CAMK2D: variants seen among roughly 807,000 people sequenced by gnomAD.
The protein encoded by CAMK2D is calcium/calmodulin-dependent protein kinase type II subunit delta.
CAMK2D carries 37 observed loss-of-function variants against 84.0 expected under a neutral mutation model. That is an observed-to-expected ratio of 0.44 (90% CI 0.34 to 0.58). CAMK2D has a LOEUF of 0.58. Ranked by LOEUF, CAMK2D falls within the 20% of genes least tolerant of loss-of-function variation. The probability of loss-of-function intolerance (pLI) is 0.02; values close to 1 mark genes in which losing one functional copy is unlikely to be tolerated. For synonymous variants in CAMK2D, 202 were observed against 212.5 expected, an observed-to-expected ratio of 0.95 and a Z score of 0.43; for missense variants, 448 against 652.5, an observed-to-expected ratio of 0.69 and a Z score of 3.41.
chr4:113,680,966 A>C (rs1053182730), intron 2 of CAMK2D, among the ~76,000 whole-genome samples: 1 of 152,240 alleles, frequency 6.6e-6, no homozygotes, highest in African/African-American at 2.4e-5. Flanking sequence ...CTAAATTAGG[A>C]GTCAGAAAGA....
At chr4:113,648,237 T>A (rs1203013332) in intron 3 of CAMK2D, among the ~76,000 whole-genome samples, 1 of 152,216 alleles carries the variant, frequency 6.6e-6, no homozygotes, top group Non-Finnish European at 1.5e-5. Flanking sequence ...TCATCTAGAA[T>A]AAAAATTTAG....
intron 2 of CAMK2D, 23 bp from the exon 3 acceptor site, chr4:113,661,795 A>G (rs908307030): frequency 4.5e-6 from 6 of 1,330,130 alleles, no homozygotes; most frequent in Admixed American, 2.4e-5. Context: ...AAAACAGAAT[A>G]AGGCAAAAAT....
intron 5 of CAMK2D, 27 bp downstream of exon 5, chr4:113,552,004 G>GT (rs1031965394): frequency 3.4e-6 from 4 of 1,188,376 alleles, no homozygotes; most frequent in Non-Finnish European, 4.9e-6. Flanking sequence ...GTTGAGTCTT[G>GT]TATCTTGCCC....
intron 3 of CAMK2D, among the ~76,000 whole-genome samples, chr4:113,660,947 C>T (rs1204726456): frequency 5.3e-5 from 8 of 151,710 alleles, no homozygotes. Flanking sequence ...AGGCGCCCGC[C>T]ACCACGCCCG....
intron 2 of CAMK2D, among the ~76,000 whole-genome samples, chr4:113,756,899 T>C (rs1326585977): frequency 6.6e-6 from 1 of 152,134 alleles, no homozygotes; most frequent in Non-Finnish European, 1.5e-5. Flanking sequence ...CAACCAGTTC[T>C]GATTAGTGTG....
chr4:113,527,266 T>TTTTTTTC, intron 8 of CAMK2D, among the ~76,000 whole-genome samples: 2 of 152,082 alleles, frequency 1.3e-5, no homozygotes, highest in East Asian at 3.9e-4. Context: ...ATACAGTTTT[T>TTTTTTTC]TTTTTTCTTT....
chr4:113,557,653 T>C (rs530735203), intron 4 of CAMK2D, among the ~76,000 whole-genome samples: 47 of 152,388 alleles, frequency 3.1e-4, no homozygotes, highest in African/African-American at 1.1e-3. Flanking sequence ...TTAGCTCTTA[T>C]GTCTTACCAT....
chr4:113,596,739 A>C (rs1224325953), intron 4 of CAMK2D, among the ~76,000 whole-genome samples: 1 of 152,070 alleles, frequency 6.6e-6, no homozygotes, highest in Non-Finnish European at 1.5e-5. Context: ...ATGTAAACAG[A>C]TGTGCTGTCG....
intron 4 of CAMK2D, among the ~76,000 whole-genome samples, chr4:113,606,863 G>A (rs6857556): frequency 0.098 from 14,900 of 151,896 alleles, 1,026 homozygotes; most frequent in East Asian, 0.31. Context: ...AAGACAACGA[G>A]AAAAAGAAAC....
At chr4:113,736,294 C>T (rs2099581184) in intron 2 of CAMK2D, among the ~76,000 whole-genome samples, 1 of 152,124 alleles carries the variant, frequency 6.6e-6, no homozygotes, top group African/African-American at 2.4e-5. Flanking sequence ...TACAGTTTTA[C>T]TCTATCTAGT....
intron 8 of CAMK2D, among the ~76,000 whole-genome samples, chr4:113,523,771 C>T (rs2098392154): frequency 2.0e-5 from 3 of 146,404 alleles, no homozygotes; most frequent in South Asian, 4.2e-4. Flanking sequence ...GACCCTGTCT[C>T]GAAATAAATA....
chr4:113,538,379 A>G (rs2189209), intron 6 of CAMK2D, among the ~76,000 whole-genome samples: 116,064 of 151,882 alleles, frequency 0.76, 45,201 homozygotes, highest in African/African-American at 0.91. Context: ...AATGAAGATG[A>G]TCAGGAAAAG....
chr4:113,505,900 C>T (rs190728028), intron 13 of CAMK2D, among the ~76,000 whole-genome samples: 49 of 152,144 alleles, frequency 3.2e-4, no homozygotes, highest in African/African-American at 1.1e-3. Context: ...ACAACTGAGT[C>T]GGGGCACTAA....
chr4:113,584,181 A>C (rs2098823632), intron 4 of CAMK2D, among the ~76,000 whole-genome samples: 1 of 152,136 alleles, frequency 6.6e-6, no homozygotes, highest in Non-Finnish European at 1.5e-5. Flanking sequence ...GAATTCTGGG[A>C]TCTCATGTTT....
At chr4:113,648,377 C>A (rs991368440) in intron 3 of CAMK2D, among the ~76,000 whole-genome samples, 1 of 152,128 alleles carries the variant, frequency 6.6e-6, no homozygotes, top group Admixed American at 6.5e-5. Context: ...TGTCTATGGC[C>A]CCCTTGGTAA....
chr4:113,700,165 C>T (rs550725877), intron 2 of CAMK2D, among the ~76,000 whole-genome samples: 24 of 152,160 alleles, frequency 1.6e-4, no homozygotes, highest in African/African-American at 5.5e-4. Flanking sequence ...CAAAGAAAAC[C>T]TGCTAACTTT....
chr4:113,486,149 CAG>C (rs1341956171), intron 16 of CAMK2D, among the ~76,000 whole-genome samples: 2 of 150,788 alleles, frequency 1.3e-5, no homozygotes, highest in African/African-American at 2.4e-5. Context: ...TTTTAAGAGA[CAG>C]AGTCTAGCTC....
intron 3 of CAMK2D, among the ~76,000 whole-genome samples, chr4:113,623,039 A>G (rs903386004): frequency 6.6e-6 from 1 of 152,168 alleles, no homozygotes; most frequent in South Asian, 2.1e-4. Flanking sequence ...TGGCCCACAA[A>G]GCCTAAAAAA....
chr4:113,472,532 A>T (rs1230620902), intron 16 of CAMK2D, among the ~76,000 whole-genome samples: 1 of 152,234 alleles, frequency 6.6e-6, no homozygotes, highest in Admixed American at 6.5e-5. Context: ...AGTGCAAAGA[A>T]ATTCTAGTAT....
Sources: allele counts gnomAD v4.1 joint callset (sites outside exome capture counted in the v4.1 genomes callset), GRCh38; gene constraint gnomAD v4.1.1; transcripts MANE v1.5; gene names NCBI Gene and HGNC (gene_info 2026-07-23, HGNC 2026-07-21).